The following NLRP10 variants were observed in gnomAD, a reference collection of about 807,000 sequenced individuals.
NLRP10 encodes the protein NLR family pyrin domain containing 10.
In NLRP10, 7 loss-of-function variants were observed where a neutral mutation model predicts 8.2. That is an observed-to-expected ratio of 0.85 (90% CI 0.48 to 1.60). The LOEUF (loss-of-function observed/expected upper bound fraction) is 1.60, where lower values mean the gene tolerates loss of function less well. Ranked by LOEUF, NLRP10 falls within the 40% of genes most tolerant of loss-of-function variation. The probability of loss-of-function intolerance (pLI) is 0.00; values close to 1 mark genes in which losing one functional copy is unlikely to be tolerated. For missense variants in NLRP10, 814 were observed against 776.3 expected (o/e 1.05, Z -0.58); for synonymous variants, 338 against 314.0 (o/e 1.08, Z -0.81).
Position 7,963,265 on chromosome 11 carries a change from G to C in NLRP10, c.231C>G (p.Gly77=), listed in dbSNP as rs778394161. The C allele has an allele frequency of 1.2e-6, 2 of 1,614,202 alleles. No homozygotes were observed. Among genetic ancestry groups the C allele is most frequent in the East Asian group, 4.5e-5 (2 of 44,874 alleles). Residue 77 remains glycine, a synonymous_variant, in exon 2 of 3, where the codon GGC becomes GGG. Coordinates refer to ENST00000691676, the MANE Select transcript of NLRP10 (RefSeq NM_001391958.1). The part of the protein sequence containing the change: ...EKEAVKVVLK[G]LKVMNLLELV... Reference sequence around the variant, plus strand: ...GTTCCAACAGGTTCATGACCTTCAAGCCCTTGAGGACAACTTTCACAGCCT... The same window carrying C: ...GTTCCAACAGGTTCATGACCTTCAACCCCTTGAGGACAACTTTCACAGCCT...
At position 7,959,855 on chromosome 11, in the gene NLRP10, AATGATAC is replaced by A; in HGVS notation, c.1750_1756del (p.Val584SerfsTer3). 1 of 1,613,464 alleles carries A rather than the reference AATGATAC, an allele frequency of 6.2e-7. No individual in the cohort carries two copies. The highest frequency in any genetic ancestry group is 8.5e-7 in the Non-Finnish European group (1 of 1,179,624). On this transcript the variant is annotated frameshift_variant, in exon 3 of 3. Transcript: ENST00000691676. LOFTEE classifies it low-confidence loss of function (END_TRUNC). ...CTTTTCATTTGAATGTTTTATCTTG[AATGATAC>A]ATTGTTCATCTGAATACCTTTTACC...
intron 2 of NLRP10, among the ~76,000 whole-genome samples, chr11:7,961,713 A>AGT (rs1255603622): frequency 1.3e-5 from 2 of 152,144 alleles, no homozygotes; most frequent in Non-Finnish European, 2.9e-5. Flanking sequence ...TGAATGTCTG[A>AGT]GTGTTCATGT....
In NLRP10 at chr11:7,959,940, T is replaced by C; in HGVS notation, c.1672A>G (p.Asn558Asp). Residue 558 changes from asparagine to aspartate, a missense_variant, in exon 3 of 3, where the codon AAC (asparagine) becomes GAC (aspartate). Physicochemically the swap from Asn to Asp is conservative, Grantham distance 23 (BLOSUM62 1). Transcript: ENST00000691676. ...GAGAATTCCAAATCCCAGGTCCTGT[T>C]GTGCTTCATAGATTCCATCTGTTCT... ...FKEQMESMKHNRTWDLEFSLY... is the reference protein window; with the variant it reads ...FKEQMESMKHDRTWDLEFSLY... The C allele has an allele frequency of 1.2e-6, 2 of 1,614,222 alleles. No individual in the cohort carries two copies. Among genetic ancestry groups the C allele is most frequent in the South Asian group, 1.1e-5 (1 of 91,090 alleles).
At chr11:7,961,548 CTCTG>C (rs1473141207) in intron 2 of NLRP10, among the ~76,000 whole-genome samples, 3 of 152,050 alleles carry the variant, frequency 2.0e-5, no homozygotes, top group African/African-American at 7.3e-5. Flanking sequence ...CAAGGGTGTG[CTCTG>C]TGTGTGTGGA....
At chr11:7,961,605 T>C (rs903687323) in intron 2 of NLRP10, among the ~76,000 whole-genome samples, 1 of 152,204 alleles carries the variant, frequency 6.6e-6, no homozygotes, top group Non-Finnish European at 1.5e-5. Flanking sequence ...CTCGTGGACC[T>C]TCATGTACTG....
chr11:7,959,890 A>T lies in NLRP10; in HGVS notation c.1722T>A (p.Asn574Lys), dbSNP rs1416129059. ...TGTTCATCTGAATACCTTTTACCAG[A>T]TTCTTTATTTTAGCTTCATACAGGG... ...EFSLYEAKIK[N>K]LVKGIQMNNV... Residue 574 changes from asparagine (N) to lysine (K), a missense_variant, in exon 3 of 3, where the codon AAT becomes AAA. Asn to Lys is a moderately conservative substitution (Grantham distance 94, BLOSUM62 0). Transcript: ENST00000691676. 1 of 1,613,776 alleles carries T rather than the reference A, an allele frequency of 6.2e-7. No individual in the cohort carries two copies. The highest frequency in any genetic ancestry group is 2.2e-5 in the East Asian group (1 of 44,866).
chr11:7,961,081 A>G lies in NLRP10; in HGVS notation c.531T>C (p.Thr177=). The change falls in exon 3 of 3, where the codon ACT becomes ACC. Residue 177 remains threonine, a synonymous_variant. Coordinates refer to ENST00000691676, the MANE Select transcript of NLRP10 (RefSeq NM_001391958.1). ...TTTTTCTGGCGAGAGTTGTCTTTCCAGTGCCAGCCGACCCCTGTAGCACAA... is the reference window on the plus strand; with the variant it reads ...TTTTTCTGGCGAGAGTTGTCTTTCCGGTGCCAGCCGACCCCTGTAGCACAA... ...SLVVLQGSAG[T]GKTTLARKMV... is the part of the protein sequence containing the mutation. The G allele has an allele frequency of 1.2e-6, 2 of 1,614,098 alleles. No individual in the cohort carries two copies. Among genetic ancestry groups the G allele is most frequent in the Non-Finnish European group, 1.7e-6 (2 of 1,179,996 alleles).
Position 7,958,569 on chromosome 11 carries a change from G to A in NLRP10, c.*1075C>T, listed in dbSNP as rs74509123. Reference sequence around the variant, plus strand: ...TCTTTTTACTCACCTTTTTTTTTTTGAGGCAGAGTCTCACTCTGTTGCCAG... The same window carrying A: ...TCTTTTTACTCACCTTTTTTTTTTTAAGGCAGAGTCTCACTCTGTTGCCAG... On this transcript the variant is annotated 3_prime_UTR_variant, in exon 3 of 3. Transcript: ENST00000691676. 7.2e-6 allele frequency among the ~76,000 whole-genome samples: 1 copy of A among 139,524 alleles called. No individual in the cohort carries two copies. The highest frequency in any genetic ancestry group is 1.6e-5 in the Non-Finnish European group (1 of 64,360). The allele number at this position is 139,524 out of a possible 152,430, so 91.5% of individuals were successfully genotyped here. A position where few individuals can be genotyped will look rare whatever the true frequency, so the allele number is the denominator to read the frequency against.
In NLRP10 at chr11:7,959,255, G is replaced by A. The variant is rs1941671713; in HGVS notation, c.*389C>T. ...CCATTTTTGTGTAGGTTTGTTTCTG[G>A]TTCTCTATTCTACTCCACTGATTTC... is the stretch of plus-strand genomic sequence containing the variant. On this transcript the variant is annotated 3_prime_UTR_variant, in exon 3 of 3. Transcript: ENST00000691676. Among the ~76,000 whole-genome samples, 1 of 152,058 alleles carries A rather than the reference G, an allele frequency of 6.6e-6. No individual in the cohort carries two copies. Among genetic ancestry groups the A allele is most frequent in the Admixed American group, 6.5e-5 (1 of 15,278 alleles).
rs1941693101 is a variant in NLRP10 at position 7,960,359 on chromosome 11, G to A, written c.1253C>T (p.Ala418Val). The A allele has an allele frequency of 2.5e-6, 4 of 1,613,902 alleles. No homozygotes were observed. Among genetic ancestry groups the A allele is most frequent in the African/African-American group, 1.3e-5 (1 of 74,912 alleles). ...RVLRSLCSLAAEGIQHQRFLF... is the reference protein window; with the variant it reads ...RVLRSLCSLAVEGIQHQRFLF... ...GAACCTCTGGTGCTGAATCCCTTCAGCTGCTAGGGAGCACAGACTCCTCAG... is the reference window on the plus strand; with the variant it reads ...GAACCTCTGGTGCTGAATCCCTTCAACTGCTAGGGAGCACAGACTCCTCAG... The change falls in exon 3 of 3, where the codon GCT becomes GTT. Residue 418 changes from alanine to valine, a missense_variant. Coordinates refer to ENST00000691676, the MANE Select transcript of NLRP10 (RefSeq NM_001391958.1).
chr11:7,963,382 A>C lies in NLRP10; in HGVS notation c.114T>G (p.Ser38=), dbSNP rs766296806. ...CTCTGGCCAGTGGGGGCTGGCCCTC[A>C]GACAGGGTCATATCCCGTAAGTAGA... ...LKFYLRDMTL[S]EGQPPLARGE... Residue 38 remains serine (S), a synonymous_variant, in exon 2 of 3, where the codon TCT becomes TCG. Coordinates refer to ENST00000691676, the MANE Select transcript of NLRP10 (RefSeq NM_001391958.1). The C allele has an allele frequency of 1.2e-6, 2 of 1,614,040 alleles. No homozygotes were observed. Among genetic ancestry groups the C allele is most frequent in the Admixed American group, 1.7e-5 (1 of 60,012 alleles).
chr11:7,959,626 G>T lies in NLRP10; in HGVS notation c.*18C>A, dbSNP rs1475143494. 2.4e-6 allele frequency: 3 copies of T among 1,245,204 alleles called. No homozygotes were observed. Among genetic ancestry groups the T allele is most frequent in the Non-Finnish European group, 2.3e-6 (2 of 885,486 alleles). The allele number at this position is 1,245,204 out of a possible 1,614,324, so 77.1% of individuals were successfully genotyped here. The stretch of plus-strand genomic sequence containing the variant: ...TTGTCATTTTCCTCATAGAGATCTT[G>T]TACATATTTAATTAGGTTTATATGT... On this transcript the variant is annotated 3_prime_UTR_variant, in exon 3 of 3. Coordinates refer to ENST00000691676, the MANE Select transcript of NLRP10 (RefSeq NM_001391958.1).
Position 7,960,638 on chromosome 11 carries a change from C to T in NLRP10, c.974G>A (p.Ser325Asn). The T allele has an allele frequency of 6.2e-7, 1 of 1,614,168 alleles. No homozygotes were observed. The highest frequency in any genetic ancestry group is 8.5e-7 in the Non-Finnish European group (1 of 1,180,032). Residue 325 changes from serine to asparagine, a missense_variant, in exon 3 of 3, where the codon AGC (serine) becomes AAC (asparagine). Physicochemically the swap from Ser to Asn is conservative, Grantham distance 46 (BLOSUM62 1). Coordinates refer to ENST00000691676, the MANE Select transcript of NLRP10 (RefSeq NM_001391958.1). ...FSEEERARYF[S>N]SYFTDEKQAD... ...TTGCTTCTCATCCGTGAAATAGGAG[C>T]TGAAGTACCTCGCCCTCTCCTCCTC...
intron 1 of NLRP10, 148 bp from the exon 2 acceptor site, chr11:7,963,688 A>G (rs1290575779): frequency 1.7e-6 from 1 of 585,708 alleles, no homozygotes; most frequent in Non-Finnish European, 3.0e-6. Flanking sequence ...ACGCAGGGGA[A>G]TTTTCCTAGT....
Position 7,959,953 on chromosome 11 carries a change from T to G in NLRP10, c.1659A>C (p.Glu553Asp), listed in dbSNP as rs781778609. 5.6e-6 allele frequency: 9 copies of G among 1,614,212 alleles called. No homozygotes were observed. In the East Asian group the frequency reaches 2.0e-4, roughly 36 times the overall value. The change falls in exon 3 of 3, where the codon GAA becomes GAC. Residue 553 changes from glutamate (E) to aspartate (D), a missense_variant. Coordinates refer to ENST00000691676, the MANE Select transcript of NLRP10 (RefSeq NM_001391958.1). ...CCCAGGTCCTGTTGTGCTTCATAGA[T>G]TCCATCTGTTCTTTAAAATGCTTCA... ...QDLKHFKEQM[E>D]SMKHNRTWDL...
In NLRP10 at chr11:7,961,013, A is replaced by G; in HGVS notation, c.599T>C (p.Phe200Ser). 1 of 1,614,150 alleles carries G rather than the reference A, an allele frequency of 6.2e-7. No homozygotes were observed. The highest frequency in any genetic ancestry group is 8.5e-7 in the Non-Finnish European group (1 of 1,180,024). The change falls in exon 3 of 3, where the codon TTT becomes TCT. Residue 200 changes from phenylalanine to serine, a missense_variant. Coordinates refer to ENST00000691676, the MANE Select transcript of NLRP10 (RefSeq NM_001391958.1). The stretch of plus-strand genomic sequence containing the variant: ...GCAGCTTACATAAAAGACATAATCA[A>G]ACCGGCCTGGGTACAGAGTACCGGT... ...WATGTLYPGRFDYVFYVSCKE... is the reference protein window; with the variant it reads ...WATGTLYPGRSDYVFYVSCKE...
chr11:7,959,108 T>C lies in NLRP10; in HGVS notation c.*536A>G, dbSNP rs1346357186. 2.0e-5 allele frequency among the ~76,000 whole-genome samples: 3 copies of C among 152,232 alleles called. No homozygotes were observed. Among genetic ancestry groups the C allele is most frequent in the African/African-American group, 4.8e-5 (2 of 41,466 alleles). Reference sequence around the variant, plus strand: ...TTCTAGCAGTTTATATTAGTACTTTTGTATTTTACATCTAGATTCATTTTT... The same window carrying C: ...TTCTAGCAGTTTATATTAGTACTTTCGTATTTTACATCTAGATTCATTTTT... On this transcript the variant is annotated 3_prime_UTR_variant, in exon 3 of 3. Coordinates refer to ENST00000691676, the MANE Select transcript of NLRP10 (RefSeq NM_001391958.1).
chr11:7,963,112 C>T, intron 2 of NLRP10, 95 bp downstream of exon 2: 1 of 1,233,280 alleles, frequency 8.1e-7, no homozygotes, highest in Non-Finnish European at 1.1e-6. Context: ...TGACAGAAGG[C>T]ATAAGGTACA....
At position 7,960,595 on chromosome 11, in the gene NLRP10, G is replaced by A. The variant is rs1205958763; in HGVS notation, c.1017C>T (p.Asp339=). The change falls in exon 3 of 3, where the codon GAC becomes GAT. Residue 339 remains aspartate, a synonymous_variant. Transcript: ENST00000691676. ...TDEKQADRAF[D]IVQKNDILYK... ...AGAGAATGTCATTTTTCTGTACAAT[G>A]TCGAAGGCACGGTCAGCTTGCTTCT... 6.2e-7 allele frequency: 1 copy of A among 1,614,172 alleles called. No individual in the cohort carries two copies. Among genetic ancestry groups the A allele is most frequent in the East Asian group, 2.2e-5 (1 of 44,882 alleles).
Sources: allele counts gnomAD v4.1 joint callset (sites outside exome capture counted in the v4.1 genomes callset), GRCh38; gene constraint gnomAD v4.1.1; transcripts MANE v1.5; gene names NCBI Gene and HGNC (gene_info 2026-07-23, HGNC 2026-07-21).